Variants in PBX3 observed in about 807,000 individuals in gnomAD.
PBX3 encodes pre-B-cell leukemia transcription factor 3.
A neutral mutation model predicts 48.5 loss-of-function variants in PBX3; 14 were observed. That is an observed-to-expected ratio of 0.29 (90% CI 0.19 to 0.45). PBX3 has a LOEUF of 0.45. Ranked by LOEUF, PBX3 falls within the 20% of genes least tolerant of loss-of-function variation. PBX3 has a pLI of 1.00. For synonymous variants in PBX3, 210 were observed against 200.3 expected, an observed-to-expected ratio of 1.05 and a Z score of -0.41; for missense variants, 386 against 546.7, an observed-to-expected ratio of 0.71 and a Z score of 2.93.
chr9:125,919,198 T>C (rs897174646), intron 3 of PBX3, among the ~76,000 whole-genome samples: 1 of 151,834 alleles, frequency 6.6e-6, no homozygotes, highest in African/African-American at 2.4e-5. Context: ...ATAGAGCAGA[T>C]GGAAAAACAA....
At chr9:125,923,651 G>C (rs576753691) in intron 3 of PBX3, among the ~76,000 whole-genome samples, 6 of 152,082 alleles carry the variant, frequency 3.9e-5, no homozygotes, top group Non-Finnish European at 8.8e-5. Context: ...CTGAAGCCTC[G>C]ACCTCCTGGG....
intron 2 of PBX3, among the ~76,000 whole-genome samples, chr9:125,787,376 TAG>T (rs1431417030): frequency 1.3e-5 from 2 of 151,786 alleles, no homozygotes; most frequent in Non-Finnish European, 2.9e-5. Flanking sequence ...TGTGATGAAG[TAG>T]AGTTTGAAGG....
At chr9:125,795,131 G>T (rs149208146) in intron 2 of PBX3, among the ~76,000 whole-genome samples, 4 of 152,222 alleles carry the variant, frequency 2.6e-5, no homozygotes, top group Admixed American at 2.6e-4. Flanking sequence ...TCTGTTCTTT[G>T]CGTCCATGCT....
intron 4 of PBX3, among the ~76,000 whole-genome samples, chr9:125,933,493 T>A (rs1449495676): frequency 2.0e-5 from 3 of 152,318 alleles, no homozygotes; most frequent in African/African-American, 7.2e-5. Flanking sequence ...TATATTTCTT[T>A]TTGATCCTCC....
chr9:125,951,782 A>G (rs1842200807), intron 5 of PBX3, among the ~76,000 whole-genome samples: 1 of 152,186 alleles, frequency 6.6e-6, no homozygotes, highest in African/African-American at 2.4e-5. Flanking sequence ...AGATTTACAC[A>G]CAGGTCCGTT....
chr9:125,867,860 GTTTTGTTTTGC>G (rs1356215439), intron 2 of PBX3, among the ~76,000 whole-genome samples: 7 of 150,010 alleles, frequency 4.7e-5, no homozygotes, highest in Admixed American at 1.3e-4. Context: ...ACATATATTT[GTTTTGTTTTGC>G]TTTTGTTTTG....
intron 2 of PBX3, among the ~76,000 whole-genome samples, chr9:125,871,836 AG>A (rs1386766048): frequency 6.6e-6 from 1 of 152,218 alleles, no homozygotes; most frequent in African/African-American, 2.4e-5. Context: ...AGAGCTCTAG[AG>A]GCAAAAATAG....
At chr9:125,927,114 C>T (rs7862871) in intron 3 of PBX3, among the ~76,000 whole-genome samples, 10,250 of 152,174 alleles carry the variant, frequency 0.067, 1,081 homozygotes, top group African/African-American at 0.23. Flanking sequence ...CCATTGACTG[C>T]AGATTAAGAA....
chr9:125,930,615 C>T (rs569244939), intron 4 of PBX3, among the ~76,000 whole-genome samples: 74 of 152,306 alleles, frequency 4.9e-4, no homozygotes, highest in African/African-American at 1.7e-3. Flanking sequence ...TCATCCAAAT[C>T]TCACAGTATT....
At chr9:125,854,517 C>T (rs1256036572) in intron 2 of PBX3, among the ~76,000 whole-genome samples, 1 of 152,106 alleles carries the variant, frequency 6.6e-6, no homozygotes, top group Non-Finnish European at 1.5e-5. Context: ...ATTGTATTTG[C>T]AGAATTGTTA....
chr9:125,829,702 A>C (rs1169230809), intron 2 of PBX3, among the ~76,000 whole-genome samples: 1 of 152,156 alleles, frequency 6.6e-6, no homozygotes, highest in Non-Finnish European at 1.5e-5. Context: ...CAAAGCAGTA[A>C]TATTTTAGTG....
At chr9:125,866,521 A>G (rs1839984860) in intron 2 of PBX3, among the ~76,000 whole-genome samples, 1 of 152,232 alleles carries the variant, frequency 6.6e-6, no homozygotes, top group Non-Finnish European at 1.5e-5. Flanking sequence ...AACAGGTTAA[A>G]AAAGATGAAC....
intron 2 of PBX3, among the ~76,000 whole-genome samples, chr9:125,882,252 C>T (rs1230290347): frequency 6.6e-6 from 1 of 151,544 alleles, no homozygotes; most frequent in Non-Finnish European, 1.5e-5. Context: ...AAATTCCAGA[C>T]TACAGTTTTT....
At chr9:125,817,315 A>T (rs1838494410) in intron 2 of PBX3, among the ~76,000 whole-genome samples, 1 of 152,216 alleles carries the variant, frequency 6.6e-6, no homozygotes, top group Non-Finnish European at 1.5e-5. Context: ...CCTATAAGAG[A>T]TCTTCTTCAA....
chr9:125,758,890 T>C (rs746080317), intron 2 of PBX3, among the ~76,000 whole-genome samples: 1 of 152,196 alleles, frequency 6.6e-6, no homozygotes, highest in Non-Finnish European at 1.5e-5. Context: ...AATATAATGC[T>C]GATGACATAT....
intron 2 of PBX3, among the ~76,000 whole-genome samples, chr9:125,804,808 G>A (rs894821186): frequency 6.4e-5 from 8 of 124,838 alleles, no homozygotes; most frequent in African/African-American, 1.6e-4. Flanking sequence ...TTAGCTGGGC[G>A]GGGTGGCGGG....
intron 4 of PBX3, among the ~76,000 whole-genome samples, chr9:125,932,846 G>A (rs758840422): frequency 2.6e-5 from 4 of 152,168 alleles, no homozygotes; most frequent in Admixed American, 6.5e-5. Context: ...ACAGCCTAAA[G>A]TGAGCAGGGC....
intron 2 of PBX3, among the ~76,000 whole-genome samples, chr9:125,773,956 A>G (rs1422662772): frequency 6.6e-6 from 1 of 152,206 alleles, no homozygotes; most frequent in Non-Finnish European, 1.5e-5. Flanking sequence ...TTCTAGTTCC[A>G]AAACATTTTC....
At chr9:125,825,117 C>G (rs1157725030) in intron 2 of PBX3, among the ~76,000 whole-genome samples, 1 of 152,134 alleles carries the variant, frequency 6.6e-6, no homozygotes, top group Non-Finnish European at 1.5e-5. Context: ...AACCTTATCT[C>G]TACAAGAAAT....
Sources: gnomAD v4.1 joint callset for allele counts (sites outside exome capture counted in the v4.1 genomes callset) on GRCh38, gnomAD v4.1.1 for gene constraint, MANE v1.5 for transcripts, NCBI Gene and HGNC (gene_info 2026-07-23, HGNC 2026-07-21) for gene names.